Variants in INTS6L observed in about 807,000 individuals in gnomAD.
INTS6L encodes the protein integrator complex subunit 6-like.
In INTS6L, 18 loss-of-function variants were observed where a neutral mutation model predicts 64.7. The observed-to-expected ratio is 0.28, with a 90% CI of 0.19 to 0.41. INTS6L has a LOEUF of 0.41. Ranked by LOEUF, INTS6L falls within the 10% of genes least tolerant of loss-of-function variation. The probability of loss-of-function intolerance (pLI) is 1.00; values close to 1 mark genes in which losing one functional copy is unlikely to be tolerated. For synonymous variants in INTS6L, 227 were observed against 235.9 expected (o/e 0.96, Z 0.34); for missense variants, 533 against 661.0 (o/e 0.81, Z 2.12).
At chrX:135,536,453 A>G (rs926513499) in intron 2 of INTS6L, among the ~76,000 whole-genome samples, 1 of 111,777 alleles carries the variant, frequency 8.9e-6, no homozygotes, top group Non-Finnish European at 1.9e-5. Context: ...ATACTGTGTT[A>G]TAACATTATA....
At chrX:135,537,842 G>A (rs1439010989) in intron 2 of INTS6L, among the ~76,000 whole-genome samples, 4 of 112,463 alleles carry the variant, frequency 3.6e-5, no homozygotes, top group African/African-American at 1.3e-4. Context: ...CCAATTCATG[G>A]AAAAATTATG....
intron 7 of INTS6L, among the ~76,000 whole-genome samples, chrX:135,550,235 A>G (rs2086463827): frequency 2.7e-5 from 3 of 112,343 alleles, no homozygotes; most frequent in African/African-American, 6.5e-5. Context: ...TATTAAAATC[A>G]TATTCAAAAT....
At position 135,556,191 on chromosome X, in the gene INTS6L, G is replaced by A; in HGVS notation, c.1083G>A (p.Lys361=). The change falls in exon 9 of 18, where the codon AAG becomes AAA. Residue 361 remains lysine (K), a synonymous_variant. Coordinates refer to ENST00000639893, the MANE Select transcript of INTS6L (RefSeq NM_001351601.3). The part of the protein sequence containing the change: ...CWQVFVTSSG[K]YNELGYPFGY... Reference sequence around the variant, plus strand: ...AGGTATTTGTTACTAGCAGTGGAAAGTACAATGAACTTGGATATCCATTTG... The same window carrying A: ...AGGTATTTGTTACTAGCAGTGGAAAATACAATGAACTTGGATATCCATTTG... 2 of 1,195,109 alleles carry A rather than the reference G, an allele frequency of 1.7e-6. No homozygotes were observed. Among genetic ancestry groups the A allele is most frequent in the Non-Finnish European group, 2.2e-6 (2 of 888,962 alleles).
chrX:135,540,803 CTGGAGTGCAGTGGCATGA>C (rs781911505), intron 2 of INTS6L, among the ~76,000 whole-genome samples: 294 of 107,258 alleles, frequency 2.7e-3, no homozygotes, highest in Non-Finnish European at 4.8e-3. Flanking sequence ...GTCACCCAGG[CTGGAGTGCAGTGGCATGA>C]TGGAGTGCAG....
intron 5 of INTS6L, 71 bp downstream of exon 5, chrX:135,546,956 A>T (rs184725643): frequency 1.0e-5 from 12 of 1,143,144 alleles, no homozygotes; most frequent in Non-Finnish European, 1.4e-5. Context: ...TAAATGCCAT[A>T]TCCAGTCTTT....
At chrX:135,523,229 C>CA (rs1455964324) in intron 2 of INTS6L, among the ~76,000 whole-genome samples, 59 of 103,202 alleles carry the variant, frequency 5.7e-4, no homozygotes, top group Admixed American at 5.7e-3. Flanking sequence ...TACTAAAATA[C>CA]AAAAAAACAA....
intron 2 of INTS6L, among the ~76,000 whole-genome samples, chrX:135,542,649 C>T (rs1477400563): frequency 5.4e-5 from 6 of 111,864 alleles, no homozygotes; most frequent in East Asian, 2.8e-4. Context: ...GCACCACTAA[C>T]GATAAGGACA....
intron 2 of INTS6L, among the ~76,000 whole-genome samples, chrX:135,525,898 C>T (rs2085721074): frequency 8.9e-6 from 1 of 112,096 alleles, no homozygotes; most frequent in African/African-American, 3.2e-5. Flanking sequence ...ATTGCCTCTC[C>T]CATGATCTTG....
chrX:135,550,806 A>G (rs1421786179), intron 7 of INTS6L, among the ~76,000 whole-genome samples: 7 of 111,634 alleles, frequency 6.3e-5, no homozygotes, highest in African/African-American at 2.3e-4. Context: ...CAGGGCTTCA[A>G]GGTGTTACAC....
At chrX:135,568,465 G>A (rs2087007710) in intron 9 of INTS6L, among the ~76,000 whole-genome samples, 1 of 109,996 alleles carries the variant, frequency 9.1e-6, no homozygotes, top group South Asian at 3.8e-4. Flanking sequence ...TGTGATCATG[G>A]AAATAAAAAA....
chrX:135,521,303 C>A lies in INTS6L; in HGVS notation c.174C>A (p.Pro58=). ...DRYMLVTYDE[P]PYCIKAGWKE... is the part of the protein sequence containing the mutation. The stretch of plus-strand genomic sequence containing the variant: ...ACATGCTGGTCACCTACGACGAACC[C>A]CCGTACTGCATCAAGGTAAAGGGGC... The change falls in exon 2 of 18, where the codon CCC becomes CCA. Residue 58 remains proline, a synonymous_variant. Transcript: ENST00000639893. 8.3e-7 allele frequency: 1 copy of A among 1,204,775 alleles called. No homozygotes were observed. The highest frequency in any genetic ancestry group is 3.0e-5 in the East Asian group (1 of 33,542).
At chrX:135,547,311 T>C (rs1556515424) in intron 6 of INTS6L, 46 bp downstream of exon 6, 2 of 1,139,283 alleles carry the variant, frequency 1.8e-6, no homozygotes, top group East Asian at 3.0e-5. Context: ...TATAGGAGAA[T>C]GAGAAGACAT....
intron 2 of INTS6L, among the ~76,000 whole-genome samples, chrX:135,528,562 G>A (rs1057225173): frequency 6.3e-5 from 7 of 111,200 alleles, no homozygotes; most frequent in African/African-American, 2.0e-4. Flanking sequence ...TCAGCATAGC[G>A]TCCACTTAGC....
Position 135,521,020 on chromosome X carries a change from A to G in INTS6L, c.28A>G (p.Thr10Ala). 1 of 1,210,931 alleles carries G rather than the reference A, an allele frequency of 8.3e-7. No individual in the cohort carries two copies. Among genetic ancestry groups the G allele is most frequent in the Non-Finnish European group, 1.1e-6 (1 of 895,220 alleles). The change falls in exon 1 of 18, where the codon ACG (threonine) becomes GCG (alanine). Residue 10 changes from threonine (T) to alanine (A), a missense_variant. Physicochemically the swap from Thr to Ala is moderately conservative, Grantham distance 58 (BLOSUM62 0). Transcript: ENST00000639893. The part of the protein sequence containing the change: MPILLFLID[T>A]SASMNQRTDL... ...GCCCATCCTGCTGTTCCTCATAGAC[A>G]CGTCCGCCTCTATGAACCAGCGCAC...
At chrX:135,548,994 A>G (rs190321551) in intron 6 of INTS6L, among the ~76,000 whole-genome samples, 293 of 111,981 alleles carry the variant, frequency 2.6e-3, no homozygotes, top group Non-Finnish European at 4.6e-3. Context: ...TGGAATTTTG[A>G]TGGTGGATGG....
chrX:135,576,259 C>T (rs1353425785), intron 14 of INTS6L, among the ~76,000 whole-genome samples: 1 of 100,933 alleles, frequency 9.9e-6, no homozygotes, highest in African/African-American at 3.7e-5. Context: ...ACCTGGGAGG[C>T]GGAGATTGCA....
chrX:135,577,483 C>T (rs2087262583), intron 15 of INTS6L, 56 bp downstream of exon 15: 1 of 1,087,658 alleles, frequency 9.2e-7, no homozygotes, highest in South Asian at 2.0e-5. Flanking sequence ...AGACGCTAAA[C>T]AATTTTATTT....
At chrX:135,526,059 A>T (rs143123370) in intron 2 of INTS6L, among the ~76,000 whole-genome samples, 10 of 111,856 alleles carry the variant, frequency 8.9e-5, no homozygotes, top group Admixed American at 1.9e-4. Context: ...ACTAGGGAAG[A>T]TGCCTGACAA....
chrX:135,529,927 A>G (rs978111610), intron 2 of INTS6L, among the ~76,000 whole-genome samples: 3 of 111,723 alleles, frequency 2.7e-5, no homozygotes, highest in Non-Finnish European at 5.6e-5. Context: ...TTTATAGATA[A>G]GGGAACCAGG....
Sources: allele counts gnomAD v4.1 joint callset (sites outside exome capture counted in the v4.1 genomes callset), GRCh38; gene constraint gnomAD v4.1.1; transcripts MANE v1.5; gene names NCBI Gene and HGNC (gene_info 2026-07-23, HGNC 2026-07-21).